ANK2: variants seen among roughly 807,000 people sequenced by gnomAD.
The protein encoded by ANK2 is ankyrin 2.
A neutral mutation model predicts 360.5 loss-of-function variants in ANK2; 83 were observed. The ratio of observed to expected loss-of-function variants is 0.23; its 90% CI spans 0.19 to 0.28. The LOEUF is 0.28. Among genes scored for constraint, ANK2 ranks in the 10% least tolerant of loss-of-function variants. ANK2 has a pLI of 1.00. For synonymous variants in ANK2, 1,740 were observed against 1,759.5 expected (o/e 0.99, Z 0.28); for missense variants, 4,201 against 4,795.7 (o/e 0.88, Z 3.66).
At chr4:113,328,302 G>C (rs965095769) in intron 26 of ANK2, among the ~76,000 whole-genome samples, 22 of 151,744 alleles carry the variant, frequency 1.4e-4, no homozygotes, top group Non-Finnish European at 3.1e-4. Context: ...TTATCAGTGA[G>C]TCAAAAATAT....
the ANK2 span, among the ~76,000 whole-genome samples, chr4:112,743,953 C>T: frequency 4.6e-5 from 7 of 152,062 alleles, no homozygotes; most frequent in Non-Finnish European, 1.0e-4. Context: ...CTCAGCCTCC[C>T]GAGTAGCTGA....
intron 1 of ANK2, among the ~76,000 whole-genome samples, chr4:113,072,765 T>G (rs3028955): frequency 0.023 from 2,832 of 121,156 alleles, 43 homozygotes; most frequent in Non-Finnish European, 0.04. Flanking sequence ...TTTTTTTTTT[T>G]GCTGTCTTGT....
the ANK2 span, among the ~76,000 whole-genome samples, chr4:112,726,851 C>CAA: frequency 1.5e-3 from 102 of 69,248 alleles, 2 homozygotes; most frequent in Middle Eastern, 0.015. Context: ...GACTCTGTCT[C>CAA]AAAAAAAAAA....
intron 26 of ANK2, among the ~76,000 whole-genome samples, chr4:113,328,695 A>G (rs1337243322): frequency 2.0e-5 from 3 of 152,206 alleles, no homozygotes; most frequent in Admixed American, 6.5e-5. Context: ...TGGCCCCTGC[A>G]TGTGGGAAGG....
chr4:113,333,806 C>G (rs1205009258), intron 29 of ANK2, among the ~76,000 whole-genome samples: 1 of 152,148 alleles, frequency 6.6e-6, no homozygotes. Flanking sequence ...CACATACATA[C>G]ACATCTAGTT....
At chr4:113,302,867 C>G in intron 23 of ANK2, 28 bp downstream of exon 23, 1 of 1,581,762 alleles carries the variant, frequency 6.3e-7, no homozygotes, top group South Asian at 1.1e-5. Flanking sequence ...TCTTCTATGA[C>G]ACCTGTCATG....
chr4:113,322,690 C>T (rs1554496103), intron 26 of ANK2, among the ~76,000 whole-genome samples: 1 of 152,154 alleles, frequency 6.6e-6, no homozygotes. Flanking sequence ...TTTTAAAGAA[C>T]TTCTTTTCAT....
the ANK2 span, among the ~76,000 whole-genome samples, chr4:112,761,204 A>G: frequency 6.6e-6 from 1 of 152,328 alleles, no homozygotes; most frequent in Non-Finnish European, 1.5e-5. Context: ...AATTTTGGGC[A>G]TACATATTTT....
At chr4:113,233,831 C>T (rs552305447) in intron 5 of ANK2, among the ~76,000 whole-genome samples, 32 of 152,112 alleles carry the variant, frequency 2.1e-4, no homozygotes, top group Non-Finnish European at 4.3e-4. Context: ...CTATTCAATA[C>T]ACACAGATTT....
the ANK2 span, among the ~76,000 whole-genome samples, chr4:112,757,550 G>A: frequency 1.3e-5 from 2 of 152,202 alleles, no homozygotes; most frequent in African/African-American, 4.8e-5. Flanking sequence ...AATCCTGTGA[G>A]GTGAGAGCTA....
intron 1 of ANK2, among the ~76,000 whole-genome samples, chr4:113,171,707 A>G (rs751682657): frequency 8.5e-5 from 13 of 152,192 alleles, no homozygotes; most frequent in East Asian, 1.9e-4. Flanking sequence ...AGGATTTGCT[A>G]TAACTTTGAC....
At chr4:113,013,809 G>C (rs115661430) in intron 2 of ANK2, among the ~76,000 whole-genome samples, 192 of 152,150 alleles carry the variant, frequency 1.3e-3, no homozygotes, top group Non-Finnish European at 2.2e-3. Context: ...CAAAAGCCTC[G>C]TGTTTACTAA....
intron 1 of ANK2, chr4:113,145,973 C>T: frequency 7.8e-7 from 1 of 1,289,744 alleles, no homozygotes; most frequent in Non-Finnish European, 1.0e-6. Flanking sequence ...ATGGCTGTAA[C>T]AGTGAGGACG....
At chr4:113,240,236 T>G (rs1431926056) in intron 7 of ANK2, among the ~76,000 whole-genome samples, 4 of 152,134 alleles carry the variant, frequency 2.6e-5, no homozygotes, top group Non-Finnish European at 4.4e-5. Flanking sequence ...ATCTCATAAA[T>G]AGATAAATAT....
At chr4:112,814,433 GTTTTTT>G (rs149972467), upstream of ANK2, among the ~76,000 whole-genome samples, 1 of 80,290 alleles carries the variant, frequency 1.2e-5, no homozygotes, top group African/African-American at 3.4e-5. Flanking sequence ...GCGTTTTTTT[GTTTTTT>G]TGTTTGTTTG....
chr4:113,092,591 T>TACGC (rs2088948197), intron 1 of ANK2, among the ~76,000 whole-genome samples: 1 of 151,926 alleles, frequency 6.6e-6, no homozygotes, highest in Admixed American at 6.6e-5. Context: ...TTGAATAAGT[T>TACGC]ACTATGTTCT....
intron 45 of ANK2, among the ~76,000 whole-genome samples, chr4:113,375,281 G>T (rs2096884537): frequency 6.6e-6 from 1 of 152,142 alleles, no homozygotes; most frequent in Non-Finnish European, 1.5e-5. Flanking sequence ...ATAAGGGAAA[G>T]AAATAAAGAC....
At chr4:113,156,371 C>CTTTTTTTTTTTTTTTTTTTTTTTTGT (rs150536846) in intron 1 of ANK2, among the ~76,000 whole-genome samples, 1 of 128,476 alleles carries the variant, frequency 7.8e-6, no homozygotes, top group African/African-American at 2.9e-5. Flanking sequence ...TAGAAAAATT[C>CTTTTTTTTTTTTTTTTTTTTTTTTGT]TTTTTTTTTT....
chr4:113,097,862 G>GTATATATA (rs1212680888), intron 1 of ANK2, among the ~76,000 whole-genome samples: 1,073 of 97,582 alleles, frequency 0.011, 18 homozygotes, highest in African/African-American at 0.048. Flanking sequence ...GTGTGTGTGT[G>GTATATATA]TGTGTATATA....
Sources: allele counts gnomAD v4.1 joint callset (sites outside exome capture counted in the v4.1 genomes callset), GRCh38; gene constraint gnomAD v4.1.1; transcripts MANE v1.5; gene names NCBI Gene and HGNC (gene_info 2026-07-23, HGNC 2026-07-21).